DNM3: variants seen among roughly 807,000 people sequenced by gnomAD.
The protein encoded by DNM3 is dynamin-3.
DNM3 carries 47 observed loss-of-function variants against 101.6 expected under a neutral mutation model. The observed-to-expected ratio is 0.46, with a 90% CI of 0.37 to 0.59. The LOEUF (loss-of-function observed/expected upper bound fraction) is 0.59, where lower values mean the gene tolerates loss of function less well. Ranked by LOEUF, DNM3 falls within the 20% of genes least tolerant of loss-of-function variation. The pLI is 0.00. For synonymous variants in DNM3, 385 were observed against 387.9 expected (o/e 0.99, Z 0.09); for missense variants, 849 against 1,085.7 (o/e 0.78, Z 3.06).
In DNM3 at chr1:172,409,070, T is replaced by A; in HGVS notation, c.*1229T>A. The A allele has an allele frequency of 1.0e-6, 1 of 985,370 alleles. No homozygotes were observed. The highest frequency in any genetic ancestry group is 1.2e-6 in the Non-Finnish European group (1 of 829,884). 61.0% of individuals were successfully genotyped at this position (985,370 alleles called of 1,614,324 possible). A position where few individuals can be genotyped will look rare whatever the true frequency, so the allele number is the denominator to read the frequency against. ...GATTTCTAAAATTTACCAGAACAGT[T>A]TAGCCTGGGGGTTAATAGTTAAGTC... On this transcript the variant is annotated 3_prime_UTR_variant, in exon 21 of 21. Transcript: ENST00000627582.
At chr1:172,303,330 G>GA (rs1226120617) in intron 15 of DNM3, among the ~76,000 whole-genome samples, 4 of 152,192 alleles carry the variant, frequency 2.6e-5, no homozygotes, top group East Asian at 3.9e-4. Flanking sequence ...GAACTTTAGA[G>GA]AAAAAAGAGT....
In DNM3 at chr1:172,342,423, G is replaced by C. The variant is rs529505180; in HGVS notation, c.1893+19083G>C. On this transcript the variant is annotated intron_variant, in intron 17 of 20. Transcript: ENST00000627582. ...ATATATACACCATAAAATACTCTGC[G>C]GCCATTAAAAAGAACAAGATTATGT... Among the ~76,000 whole-genome samples the C allele has an allele frequency of 2.0e-5, 3 of 152,142 alleles. 1 individual carries two copies. In the South Asian group the frequency reaches 6.2e-4, roughly 32 times the overall value.
chr1:172,074,847 C>T (rs1049067966), intron 11 of DNM3, among the ~76,000 whole-genome samples: 4 of 152,100 alleles, frequency 2.6e-5, no homozygotes, highest in African/African-American at 4.8e-5. Context: ...GGGACTGCTG[C>T]GTCAAATGGT....
At chr1:171,993,207 G>A (rs557266957) in intron 4 of DNM3, among the ~76,000 whole-genome samples, 19 of 151,972 alleles carry the variant, frequency 1.3e-4, no homozygotes, top group African/African-American at 4.6e-4. Flanking sequence ...GTTTTTCCTG[G>A]GTATTTGAGT....
intron 15 of DNM3, among the ~76,000 whole-genome samples, chr1:172,256,896 C>T (rs1302503131): frequency 3.4e-5 from 4 of 116,722 alleles, no homozygotes; most frequent in Non-Finnish European, 7.3e-5. Flanking sequence ...GTTTCCTATT[C>T]TTCATCATGT....
At chr1:171,973,058 C>T (rs181825439) in intron 2 of DNM3, among the ~76,000 whole-genome samples, 21 of 152,104 alleles carry the variant, frequency 1.4e-4, no homozygotes, top group South Asian at 1.0e-3. Context: ...AAACAAGAAC[C>T]GCAGTATAAA....
chr1:172,291,263 CATACATGTGCGTGT>C (rs58695779), intron 15 of DNM3, among the ~76,000 whole-genome samples: 27,327 of 152,146 alleles, frequency 0.18, 2,645 homozygotes, highest in East Asian at 0.24. Context: ...TGTGCACACG[CATACATGTGCGTGT>C]GTACACGTGT....
At chr1:172,144,522 C>T (rs536592620) in intron 14 of DNM3, 8 of 464,376 alleles carry the variant, frequency 1.7e-5, no homozygotes, top group African/African-American at 1.0e-4. Context: ...TTGTCCCCAG[C>T]GGTCCATGGC....
At chr1:172,315,629 A>T (rs1239758263) in intron 16 of DNM3, among the ~76,000 whole-genome samples, 1 of 152,244 alleles carries the variant, frequency 6.6e-6, no homozygotes, top group East Asian at 1.9e-4. Context: ...ACTGGAAGAA[A>T]GGGTATCACT....
intron 17 of DNM3, among the ~76,000 whole-genome samples, chr1:172,371,433 T>C (rs2068316038): frequency 6.6e-6 from 1 of 152,068 alleles, no homozygotes; most frequent in South Asian, 2.1e-4. Context: ...AGCTCGTATA[T>C]ATAAATATTG....
intron 2 of DNM3, among the ~76,000 whole-genome samples, chr1:171,961,300 C>A (rs1357918970): frequency 6.6e-6 from 1 of 152,098 alleles, no homozygotes; most frequent in Non-Finnish European, 1.5e-5. Flanking sequence ...ACATGAAAGA[C>A]TTTATGGTGA....
At chr1:171,974,036 C>A (rs1571905164) in intron 2 of DNM3, among the ~76,000 whole-genome samples, 1 of 152,012 alleles carries the variant, frequency 6.6e-6, no homozygotes, top group African/African-American at 2.4e-5. Flanking sequence ...ATACTGTAGG[C>A]ATGGCTGACT....
chr1:172,091,228 C>T (rs1417836721), intron 12 of DNM3, among the ~76,000 whole-genome samples: 2 of 152,182 alleles, frequency 1.3e-5, no homozygotes, highest in African/African-American at 2.4e-5. Flanking sequence ...CCTTTGCAGG[C>T]CCTGGGGATA....
At chr1:172,123,770 C>T (rs547823316) in intron 13 of DNM3, among the ~76,000 whole-genome samples, 3 of 152,266 alleles carry the variant, frequency 2.0e-5, no homozygotes, top group South Asian at 4.2e-4. Flanking sequence ...ATTCCTCAAC[C>T]CTCAGCGGTA....
intron 1 of DNM3, among the ~76,000 whole-genome samples, chr1:171,854,217 C>T (rs1484714149): frequency 3.9e-5 from 6 of 152,172 alleles, no homozygotes; most frequent in Admixed American, 2.6e-4. Context: ...GGGTTCACAT[C>T]GTAGTTCTGC....
At chr1:171,867,448 C>T (rs1335813364) in intron 1 of DNM3, among the ~76,000 whole-genome samples, 1 of 152,180 alleles carries the variant, frequency 6.6e-6, no homozygotes, top group Non-Finnish European at 1.5e-5. Flanking sequence ...GGCTGCATCC[C>T]TGGTTTATCC....
intron 16 of DNM3, among the ~76,000 whole-genome samples, chr1:172,318,183 A>G (rs12404490): frequency 0.18 from 27,978 of 152,248 alleles, 2,817 homozygotes; most frequent in East Asian, 0.34. Context: ...AAAAAATTCA[A>G]CAGCCCTTCA....
intron 10 of DNM3, among the ~76,000 whole-genome samples, chr1:172,062,354 G>A (rs1395045541): frequency 6.6e-6 from 1 of 152,074 alleles, no homozygotes; most frequent in African/African-American, 2.4e-5. Flanking sequence ...TGACTACTCT[G>A]CGGCACCCAA....
chr1:172,062,231 A>G (rs1237555061), intron 10 of DNM3, among the ~76,000 whole-genome samples: 1 of 152,110 alleles, frequency 6.6e-6, no homozygotes, highest in African/African-American at 2.4e-5. Context: ...TAAACTTGGG[A>G]AGAGAGAGAT....
Sources: gnomAD v4.1 joint callset for allele counts (sites outside exome capture counted in the v4.1 genomes callset) on GRCh38, gnomAD v4.1.1 for gene constraint, MANE v1.5 for transcripts, NCBI Gene and HGNC (gene_info 2026-07-23, HGNC 2026-07-21) for gene names.